Variants in NUAK2 observed in about 807,000 individuals in gnomAD.
NUAK2 encodes the protein NUAK family kinase 2.
Under a neutral mutation model 29.8 loss-of-function variants are expected in NUAK2, and 20 were observed. That is an observed-to-expected ratio of 0.67 (90% CI 0.47 to 0.98). The LOEUF is 0.98. Among genes scored for constraint, NUAK2 ranks in the 50% least tolerant of loss-of-function variants. The probability of loss-of-function intolerance (pLI) is 0.00; values close to 1 mark genes in which losing one functional copy is unlikely to be tolerated. For synonymous variants in NUAK2, 331 were observed against 342.6 expected, an observed-to-expected ratio of 0.97 and a Z score of 0.37; for missense variants, 719 against 834.5, an observed-to-expected ratio of 0.86 and a Z score of 1.71.
chr1:205,309,304 G>C (rs775113576), intron 2 of NUAK2, among the ~76,000 whole-genome samples: 2 of 152,068 alleles, frequency 1.3e-5, no homozygotes, highest in African/African-American at 2.4e-5. Context: ...ATATAAACAA[G>C]CACTCGATAA....
At position 205,303,996 on chromosome 1, in the gene NUAK2, G is replaced by C. The variant is rs764769272; in HGVS notation, c.1341C>G (p.Gly447=). 4 of 1,613,900 alleles carry C rather than the reference G, an allele frequency of 2.5e-6. No individual in the cohort carries two copies. The highest frequency in any genetic ancestry group is 1.7e-4 in the Middle Eastern group (1 of 6,060). The part of the protein sequence containing the change: ...GQAAPLLPKK[G]ILKKPRQRES... ...CGCGCTGTCGGGGCTTCTTGAGAAT[G>C]CCCTTCTTGGGGAGCAGGGGGGCAG... The change falls in exon 7 of 7, where the codon GGC becomes GGG. Residue 447 remains glycine, a synonymous_variant. Coordinates refer to ENST00000367157, the MANE Select transcript of NUAK2 (RefSeq NM_030952.3).
At chr1:205,313,652 T>C (rs1158134217) in intron 1 of NUAK2, among the ~76,000 whole-genome samples, 2 of 149,758 alleles carry the variant, frequency 1.3e-5, no homozygotes, top group Non-Finnish European at 3.0e-5. Flanking sequence ...CCCCACCCCT[T>C]CTCAGAGCCT....
intron 1 of NUAK2, among the ~76,000 whole-genome samples, chr1:205,316,765 T>C (rs545655256): frequency 6.6e-6 from 1 of 152,334 alleles, no homozygotes; most frequent in African/African-American, 2.4e-5. Context: ...CCCCATACTA[T>C]GGCCACGGTA....
Position 205,321,717 on chromosome 1 carries a change from C to T in NUAK2, c.-89G>A. On this transcript the variant is annotated 5_prime_UTR_variant, in exon 1 of 7. Transcript: ENST00000367157. ...GCGGGGCACAGGTCCCGCACCAGGACGGGGAGCCACAGCAGTACCAGAGCG... is the reference window on the plus strand; with the variant it reads ...GCGGGGCACAGGTCCCGCACCAGGATGGGGAGCCACAGCAGTACCAGAGCG... 8.5e-6 allele frequency: 9 copies of T among 1,061,454 alleles called. 1 individual carries two copies. In the South Asian group the frequency reaches 1.0e-4, roughly 12 times the overall value. The allele number at this position is 1,061,454 out of a possible 1,614,324, so 65.8% of individuals were successfully genotyped here.
rs1265840309 is a variant in NUAK2, at chr1:205,304,042, A to G, written c.1295T>C (p.Ile432Thr). ...GGCAGCCTGCCCTGGGCTCGCAGGGATTGGGCTGAGCTCCGGAGGGTCCTC... is the reference window on the plus strand; with the variant it reads ...GGCAGCCTGCCCTGGGCTCGCAGGGGTTGGGCTGAGCTCCGGAGGGTCCTC... Reference protein sequence around the residue: ...VQEDPPELSPIPASPGQAAPL... With the variant: ...VQEDPPELSPTPASPGQAAPL... The change falls in exon 7 of 7, where the codon ATC becomes ACC. Residue 432 changes from isoleucine (I) to threonine (T), a missense_variant. Coordinates refer to ENST00000367157, the MANE Select transcript of NUAK2 (RefSeq NM_030952.3). This position sits in a 1 kb window ranked among gnomAD's most constrained non-coding sequence, Gnocchi z 6.5. 1.2e-6 allele frequency: 2 copies of G among 1,613,880 alleles called. No homozygotes were observed. Among genetic ancestry groups the G allele is most frequent in the Non-Finnish European group, 1.7e-6 (2 of 1,179,940 alleles).
chr1:205,305,887 T>A (rs186912307), intron 5 of NUAK2, among the ~76,000 whole-genome samples: 12 of 152,218 alleles, frequency 7.9e-5, no homozygotes, highest in South Asian at 6.2e-4. Flanking sequence ...AATTTTATAT[T>A]TTTTTAAGTA....
chr1:205,309,316 T>A (rs1184564899), intron 2 of NUAK2, among the ~76,000 whole-genome samples: 1 of 151,962 alleles, frequency 6.6e-6, no homozygotes, highest in African/African-American at 2.4e-5. Flanking sequence ...ACTCGATAAA[T>A]GGTACCTACA....
rs957317748 is a variant in NUAK2 at position 205,304,489 on chromosome 1, A to C, written c.848T>G (p.Leu283Arg). 1.3e-6 allele frequency: 2 copies of C among 1,518,552 alleles called. No homozygotes were observed. Among genetic ancestry groups the C allele is most frequent in the Non-Finnish European group, 1.8e-6 (2 of 1,134,138 alleles). 94.1% of individuals were successfully genotyped at this position (1,518,552 alleles called of 1,614,324 possible). Residue 283 changes from leucine (L) to arginine (R), a missense_variant, in exon 7 of 7, where the codon CTG becomes CGG. Leu to Arg is a moderately radical substitution (Grantham distance 102). Around this residue, in one of 3 missense-constraint regions of NUAK2, gnomAD observed 430 missense variants for 465.7 expected, o/e 0.92. Transcript: ENST00000367157. The surrounding 1 kb of genome is among the most constrained non-coding windows in gnomAD (Gnocchi z 6.5). Reference sequence around the variant, plus strand: ...CCGGCGGGTGGGGTTCACCATCAACAGCCACCGGATCAGGCCACAGGCATC... The same window carrying C: ...CCGGCGGGTGGGGTTCACCATCAACCGCCACCGGATCAGGCCACAGGCATC... ...PSDACGLIRWLLMVNPTRRAT... is the reference protein window; with the variant it reads ...PSDACGLIRWRLMVNPTRRAT...
At chr1:205,306,146 T>C in intron 5 of NUAK2, 42 bp downstream of exon 5, 1 of 1,558,548 alleles carries the variant, frequency 6.4e-7, no homozygotes, top group South Asian at 1.2e-5. Flanking sequence ...AAAGTCATAG[T>C]AAACATCTGA....
chr1:205,305,401 C>G, intron 5 of NUAK2, 70 bp from the exon 6 acceptor site: 1 of 1,556,856 alleles, frequency 6.4e-7, no homozygotes, highest in Non-Finnish European at 8.7e-7. Context: ...CTGGAGAACT[C>G]AGAGGCCAGC....
At chr1:205,318,644 C>T (rs1005985474) in intron 1 of NUAK2, among the ~76,000 whole-genome samples, 7 of 152,234 alleles carry the variant, frequency 4.6e-5, no homozygotes, top group African/African-American at 1.4e-4. Context: ...GACTTCCATG[C>T]AGATCATCCA....
chr1:205,315,849 G>A (rs1160081619), intron 1 of NUAK2, among the ~76,000 whole-genome samples: 2 of 151,728 alleles, frequency 1.3e-5, no homozygotes, highest in South Asian at 4.2e-4. Context: ...CTCCAGCCTG[G>A]GTGACAGAGC....
intron 1 of NUAK2, among the ~76,000 whole-genome samples, 154 bp from the exon 2 acceptor site, chr1:205,311,979 C>T (rs1339834929): frequency 1.3e-5 from 2 of 152,126 alleles, no homozygotes; most frequent in African/African-American, 2.4e-5. Context: ...GGCAGAGAGG[C>T]TGGAGAGCAC....
In NUAK2 at chr1:205,321,483, A is replaced by C. The variant is rs1488556621; in HGVS notation, c.146T>G (p.Leu49Arg). 6.2e-7 allele frequency: 1 copy of C among 1,613,922 alleles called. No individual in the cohort carries two copies. Among genetic ancestry groups the C allele is most frequent in the Non-Finnish European group, 8.5e-7 (1 of 1,179,870 alleles). ...CTCCAGGAACTCGTAGCGGTGCCGCAGGTTGTGCTTGTGGTGGTGCCGCTT... is the reference window on the plus strand; with the variant it reads ...CTCCAGGAACTCGTAGCGGTGCCGCCGGTTGTGCTTGTGGTGGTGCCGCTT... Reference protein sequence around the residue: ...AVKRHHHKHNLRHRYEFLETL... With the variant: ...AVKRHHHKHNRRHRYEFLETL... The change falls in exon 1 of 7, where the codon CTG becomes CGG. Residue 49 changes from leucine (L) to arginine (R), a missense_variant. Around this residue, in one of 3 missense-constraint regions of NUAK2, gnomAD observed 283 missense variants for 345.6 expected, o/e 0.82. Coordinates refer to ENST00000367157, the MANE Select transcript of NUAK2 (RefSeq NM_030952.3).
In NUAK2 at chr1:205,315,485, C is replaced by T. The variant is rs1308898545; in HGVS notation, c.232-3660G>A. ...AAGATTTTCTCCTCTTCTTCCTAGA[C>T]ATGGGTGAAGTCCACCTCGGTTATA... is the stretch of plus-strand genomic sequence containing the variant. On this transcript the variant is annotated intron_variant, in intron 1 of 6. Transcript: ENST00000367157. 2.0e-5 allele frequency among the ~76,000 whole-genome samples: 3 copies of T among 152,202 alleles called. No individual in the cohort carries two copies. The East Asian group carries it at 5.8e-4, about 29-fold the overall frequency.
chr1:205,311,425 G>A (rs1023080444), intron 2 of NUAK2, among the ~76,000 whole-genome samples: 5 of 152,160 alleles, frequency 3.3e-5, no homozygotes, highest in African/African-American at 9.7e-5. Flanking sequence ...TCCCATGAGT[G>A]GAGCATTCAA....
At chr1:205,306,954 A>G (rs1027419199) in intron 4 of NUAK2, among the ~76,000 whole-genome samples, 3 of 152,224 alleles carry the variant, frequency 2.0e-5, no homozygotes, top group Non-Finnish European at 2.9e-5. Flanking sequence ...ACACCGGGGC[A>G]AGAACTTGGT....
chr1:205,308,864 G>T lies in NUAK2; in HGVS notation c.353-132C>A. 1.0e-6 allele frequency: 1 copy of T among 976,572 alleles called. No homozygotes were observed. The highest frequency in any genetic ancestry group is 1.5e-6 in the Non-Finnish European group (1 of 664,238). 60.5% of individuals were successfully genotyped at this position (976,572 alleles called of 1,614,324 possible). On this transcript the variant is annotated intron_variant, in intron 2 of 6. Transcript: ENST00000367157. The surrounding 1 kb of genome is among the most constrained non-coding windows in gnomAD (Gnocchi z 4.1). ...CCCTCCAGGAATATCTGCTAATGGG[G>T]CTATACGGTGGCAAATAAGGGCAGA... is the stretch of plus-strand genomic sequence containing the variant.
chr1:205,310,920 A>AT (rs930403502), intron 2 of NUAK2, among the ~76,000 whole-genome samples: 21 of 152,046 alleles, frequency 1.4e-4, no homozygotes, highest in African/African-American at 4.4e-4. Context: ...AGACTGCTCT[A>AT]TTTTTTTCCC....
Sources: allele counts gnomAD v4.1 joint callset (sites outside exome capture counted in the v4.1 genomes callset), GRCh38; gene constraint gnomAD v4.1.1; regional missense constraint gnomAD v4.1.1; non-coding constraint Gnocchi (gnomAD v3.1); transcripts MANE v1.5; gene names NCBI Gene and HGNC (gene_info 2026-07-23, HGNC 2026-07-21).